CD109: variants seen among roughly 807,000 people sequenced by gnomAD.
CD109 encodes CD109 molecule.
A neutral mutation model predicts 165.8 loss-of-function variants in CD109; 149 were observed. That is an observed-to-expected ratio of 0.90 (90% CI 0.79 to 1.03). The LOEUF is 1.03. CD109 is among the 50% of genes least tolerant of loss of function. CD109 has a pLI of 0.00. For missense variants in CD109, 1,712 were observed against 1,677.8 expected (o/e 1.02, Z -0.36); for synonymous variants, 585 against 592.1 (o/e 0.99, Z 0.18).
Position 73,745,875 on chromosome 6 carries a change from T to C in CD109, c.633+9367T>C, listed in dbSNP as rs139029340. On this transcript the variant is annotated intron_variant, in intron 5 of 32. Coordinates refer to ENST00000287097, the MANE Select transcript of CD109 (RefSeq NM_133493.5). ...TCCCGAGTAACTGGGATTACAGGCATCCACCACCACGCCTGGCTAAATTTT... is the reference window on the plus strand; with the variant it reads ...TCCCGAGTAACTGGGATTACAGGCACCCACCACCACGCCTGGCTAAATTTT... Among the ~76,000 whole-genome samples, 284 of 152,234 alleles carry C rather than the reference T, an allele frequency of 1.9e-3. 1 individual carries two copies. The highest frequency in any genetic ancestry group is 6.5e-3 in the African/African-American group (270 of 41,548).
At chr6:73,815,890 A>T (rs547100077) in intron 30 of CD109, among the ~76,000 whole-genome samples, 1 of 152,190 alleles carries the variant, frequency 6.6e-6, no homozygotes, top group Non-Finnish European at 1.5e-5. Flanking sequence ...ATTATTTGGT[A>T]TTGAGCTGGG....
At chr6:73,762,540 A>G (rs975396168) in intron 8 of CD109, 60 bp downstream of exon 8, 12 of 1,213,578 alleles carry the variant, frequency 9.9e-6, no homozygotes, top group Admixed American at 2.0e-5. Context: ...TTTTCTAGAA[A>G]TAAGATTTAG....
chr6:73,752,634 C>G (rs1165892084), intron 5 of CD109, among the ~76,000 whole-genome samples: 4 of 152,136 alleles, frequency 2.6e-5, no homozygotes, highest in African/African-American at 9.7e-5. Flanking sequence ...ACTGGATGTG[C>G]TTTGGAGCAG....
intron 5 of CD109, among the ~76,000 whole-genome samples, chr6:73,749,810 C>T (rs1267238456): frequency 6.6e-6 from 1 of 152,124 alleles, no homozygotes; most frequent in East Asian, 1.9e-4. Context: ...AACTTCCAAA[C>T]AAACAAAAAT....
chr6:73,686,779 C>G, the CD109 span, among the ~76,000 whole-genome samples: 357 of 152,262 alleles, frequency 2.3e-3, 4 homozygotes, highest in African/African-American at 8.2e-3. Context: ...GCAAACTCCG[C>G]CTCCCGGGTT....
At chr6:73,693,267 G>A, upstream of CD109, among the ~76,000 whole-genome samples, 1 of 152,158 alleles carries the variant, frequency 6.6e-6, no homozygotes, top group East Asian at 1.9e-4. Context: ...TGTGGAAGGG[G>A]AAGGGGAGCT....
In CD109 at chr6:73,808,094, T is replaced by C. The variant is rs1216083973; in HGVS notation, c.3201T>C (p.Asp1067=). The C allele has an allele frequency of 6.2e-7, 1 of 1,612,904 alleles. No homozygotes were observed. The highest frequency in any genetic ancestry group is 8.5e-7 in the Non-Finnish European group (1 of 1,179,402). ...LGYRKYQPNI[D]VQESIHFLES... is the part of the protein sequence containing the mutation. ...TTTTTTCTTCCAAGCCTAACATTGA[T>C]GTGCAAGAGTCTATCCATTTTTTGG... The change falls in exon 26 of 33, where the codon GAT becomes GAC. Residue 1067 remains aspartate, a synonymous_variant. Transcript: ENST00000287097.
intron 10 of CD109, among the ~76,000 whole-genome samples, 175 bp downstream of exon 10, chr6:73,763,860 T>C (rs994513508): frequency 8.5e-5 from 13 of 152,246 alleles, no homozygotes; most frequent in Non-Finnish European, 1.6e-4. Context: ...GTCTATTTTT[T>C]CTAAAAAAGT....
At chr6:73,726,131 T>G (rs185836617) in intron 3 of CD109, among the ~76,000 whole-genome samples, 1 of 152,348 alleles carries the variant, frequency 6.6e-6, no homozygotes, top group East Asian at 1.9e-4. Context: ...CCTTTTAAAG[T>G]GCACTTGCAT....
In CD109 at chr6:73,771,511, T is replaced by C; in HGVS notation, c.1757T>C (p.Ile586Thr). The stretch of plus-strand genomic sequence containing the variant: ...ATCTCTGTGACACAGCCTGACTCCA[T>C]AGTTGGGATTGTAGCTGTTGACAAA... Reference protein sequence around the residue: ...LRISVTQPDSIVGIVAVDKSV... With the variant: ...LRISVTQPDSTVGIVAVDKSV... Residue 586 changes from isoleucine (I) to threonine (T), a missense_variant, in exon 15 of 33, where the codon ATA becomes ACA. Transcript: ENST00000287097. 1 of 1,610,868 alleles carries C rather than the reference T, an allele frequency of 6.2e-7. No individual in the cohort carries two copies. The highest frequency in any genetic ancestry group is 8.5e-7 in the Non-Finnish European group (1 of 1,178,296).
intron 15 of CD109, among the ~76,000 whole-genome samples, chr6:73,775,405 A>G (rs1774205599): frequency 6.6e-6 from 1 of 152,182 alleles, no homozygotes; most frequent in South Asian, 2.1e-4. Context: ...TGTAGATTAT[A>G]TAACTGCATT....
chr6:73,783,824 G>A lies in CD109; in HGVS notation c.2223G>A (p.Glu741=), dbSNP rs771143237. The A allele has an allele frequency of 7.8e-6, 12 of 1,531,120 alleles. No homozygotes were observed. Among genetic ancestry groups the A allele is most frequent in the African/African-American group, 2.7e-5 (2 of 72,988 alleles). The allele number at this position is 1,531,120 out of a possible 1,614,324, so 94.8% of individuals were successfully genotyped here. A position where few individuals can be genotyped will look rare whatever the true frequency, so the allele number is the denominator to read the frequency against. Residue 741 remains glutamate (E), a splice_region_variant and synonymous_variant, in exon 19 of 33, where the codon GAG becomes GAA. Transcript: ENST00000287097. ...TTGGACTAACAACTACTCCAGTGGA[G>A]GTATTGTATTAAAGAGCTGCTTATC... ...LGLGLTTTPV[E]LQAFQPFFIF...
intron 2 of CD109, among the ~76,000 whole-genome samples, chr6:73,710,179 A>AT (rs1771468708): frequency 6.6e-6 from 1 of 152,200 alleles, no homozygotes; most frequent in Non-Finnish European, 1.5e-5. Flanking sequence ...ACATGATTGT[A>AT]TATCTAGAAA....
intron 22 of CD109, among the ~76,000 whole-genome samples, chr6:73,790,099 C>CTTTTTTT (rs56024477): frequency 0.32 from 40,983 of 128,052 alleles, 7,084 homozygotes; most frequent in East Asian, 0.36. Flanking sequence ...GCTAAAAGTC[C>CTTTTTTT]TTTTTTTTTT....
the CD109 span, among the ~76,000 whole-genome samples, chr6:73,685,102 C>G: frequency 5.3e-5 from 8 of 151,790 alleles, no homozygotes; most frequent in East Asian, 1.6e-3. Flanking sequence ...CGGGGTTTCA[C>G]TGTGTTGGCC....
chr6:73,708,551 A>C (rs376321640), intron 2 of CD109, among the ~76,000 whole-genome samples: 36 of 152,260 alleles, frequency 2.4e-4, no homozygotes, highest in South Asian at 4.1e-4. Flanking sequence ...ATTTCTAGTT[A>C]TAGATCCCTG....
At chr6:73,709,710 A>T (rs1207343150) in intron 2 of CD109, among the ~76,000 whole-genome samples, 1 of 152,168 alleles carries the variant, frequency 6.6e-6, no homozygotes, top group Non-Finnish European at 1.5e-5. Context: ...CCGGCAAACC[A>T]AATCCAGCAG....
At chr6:73,791,813 T>C (rs1024666364) in intron 22 of CD109, among the ~76,000 whole-genome samples, 3 of 152,224 alleles carry the variant, frequency 2.0e-5, no homozygotes, top group Non-Finnish European at 2.9e-5. Context: ...ACAGCTTCAG[T>C]CTATTCATAT....
In CD109 at chr6:73,768,084, A is replaced by G; in HGVS notation, c.1527A>G (p.Val509=). 2 of 1,613,556 alleles carry G rather than the reference A, an allele frequency of 1.2e-6. No homozygotes were observed. The highest frequency in any genetic ancestry group is 1.7e-6 in the Non-Finnish European group (2 of 1,179,670). Residue 509 remains valine (V), a synonymous_variant, in exon 14 of 33, where the codon GTA becomes GTG. Transcript: ENST00000287097. Reference sequence around the variant, plus strand: ...TATCCAGGGGACAGTTGGTGGCTGTAGGAAAACAAAATTCAACAATGTTCT... The same window carrying G: ...TATCCAGGGGACAGTTGGTGGCTGTGGGAAAACAAAATTCAACAATGTTCT... ...MVVSRGQLVA[V]GKQNSTMFSL...
Sources: gnomAD v4.1 joint callset for allele counts (sites outside exome capture counted in the v4.1 genomes callset) on GRCh38, gnomAD v4.1.1 for gene constraint, MANE v1.5 for transcripts, NCBI Gene and HGNC (gene_info 2026-07-23, HGNC 2026-07-21) for gene names.